The following DPYD variants were observed in gnomAD, a reference collection of about 807,000 sequenced individuals.
DPYD encodes dihydropyrimidine dehydrogenase [NADP(+)].
In DPYD, 109 loss-of-function variants were observed where a neutral mutation model predicts 116.2. The observed-to-expected ratio is 0.94, with a 90% CI of 0.80 to 1.10. DPYD has a LOEUF of 1.10. DPYD is among the 50% of genes least tolerant of loss of function. The probability of loss-of-function intolerance (pLI) is 0.00; values close to 1 mark genes in which losing one functional copy is unlikely to be tolerated. For synonymous variants in DPYD, 440 were observed against 432.0 expected (o/e 1.02, Z -0.23); for missense variants, 1,302 against 1,254.5 (o/e 1.04, Z -0.57).
At chr1:97,083,527 A>G (rs561266080) in intron 21 of DPYD, among the ~76,000 whole-genome samples, 2 of 152,196 alleles carry the variant, frequency 1.3e-5, no homozygotes, top group African/African-American at 4.8e-5. Flanking sequence ...TGTATCTTTC[A>G]AGTGATAAGA....
intron 7 of DPYD, among the ~76,000 whole-genome samples, chr1:97,684,716 T>C (rs1221925516): frequency 6.6e-6 from 1 of 152,006 alleles, no homozygotes; most frequent in East Asian, 1.9e-4. Flanking sequence ...ATTATAAACA[T>C]TTCTATGCAA....
chr1:97,844,828 C>T (rs1670213414), intron 2 of DPYD, among the ~76,000 whole-genome samples: 1 of 152,224 alleles, frequency 6.6e-6, no homozygotes, highest in African/African-American at 2.4e-5. Context: ...ACTGCCCCTG[C>T]AGTCTCAGAA....
rs948721121 is a variant in DPYD, at chr1:97,671,790, A to T, written c.850+7305T>A. 1.1e-4 allele frequency among the ~76,000 whole-genome samples: 16 copies of T among 152,074 alleles called. 1 individual carries two copies. Among genetic ancestry groups the T allele is most frequent in the Non-Finnish European group, 1.5e-5 (1 of 68,010 alleles). On this transcript the variant is annotated intron_variant, in intron 8 of 22. Transcript: ENST00000370192. ...TTTGTGTGGGTGACAGGGGAGGGAT[A>T]TATGCACACAACCAAAAATGACAAA...
At chr1:97,259,994 G>T (rs1178847337) in intron 18 of DPYD, among the ~76,000 whole-genome samples, 1 of 151,406 alleles carries the variant, frequency 6.6e-6, no homozygotes, top group Non-Finnish European at 1.5e-5. Context: ...GTCTTCACAA[G>T]AAAAAAAATT....
intron 20 of DPYD, among the ~76,000 whole-genome samples, chr1:97,102,114 T>C (rs1190224539): frequency 6.6e-6 from 1 of 151,932 alleles, no homozygotes; most frequent in Non-Finnish European, 1.5e-5. Flanking sequence ...CAATCTAAAG[T>C]TAATTGAGCA....
rs1279015731 is a variant in DPYD at position 97,822,234 on chromosome 1, C to CTATA, written c.233+5879_233+5880insTATA. Among the ~76,000 whole-genome samples, 1,461 of 148,424 alleles carry CTATA rather than the reference C, an allele frequency of 9.8e-3. 27 individuals carry two copies. The highest frequency in any genetic ancestry group is 0.034 in the African/African-American group (1,387 of 40,386). On this transcript the variant is annotated intron_variant, in intron 3 of 22. Transcript: ENST00000370192. ...CAAGCAATTTTGTTTCTCTCTCTCT[C>CTATA]TCTATATATATATACACACACACAG...
intron 15 of DPYD, among the ~76,000 whole-genome samples, chr1:97,379,902 T>C (rs1047730523): frequency 6.6e-6 from 1 of 152,192 alleles, no homozygotes; most frequent in Non-Finnish European, 1.5e-5. Flanking sequence ...CTATTCCCTG[T>C]CCCATATGAC....
intron 20 of DPYD, among the ~76,000 whole-genome samples, chr1:97,163,252 C>T (rs964107478): frequency 3.3e-5 from 5 of 152,106 alleles, no homozygotes; most frequent in African/African-American, 1.2e-4. Flanking sequence ...GGCTAATATC[C>T]AGAATCTACA....
At chr1:97,122,563 T>G (rs925830099) in intron 20 of DPYD, among the ~76,000 whole-genome samples, 2 of 152,154 alleles carry the variant, frequency 1.3e-5, no homozygotes, top group Non-Finnish European at 2.9e-5. Flanking sequence ...GTATTCTTAA[T>G]CTGAATGGTT....
At chr1:97,130,670 T>TTTCC (rs971958601) in intron 20 of DPYD, among the ~76,000 whole-genome samples, 1 of 151,782 alleles carries the variant, frequency 6.6e-6, no homozygotes, top group African/African-American at 2.4e-5. Flanking sequence ...CCTTTTCTTT[T>TTTCC]TTCCTTCCTT....
At chr1:97,796,894 A>G (rs1425768900) in intron 3 of DPYD, 2 of 152,148 alleles carry the variant, frequency 1.3e-5, no homozygotes, top group African/African-American at 4.8e-5. Flanking sequence ...ATGCTACCAT[A>G]GAGAAGGAAT....
intron 11 of DPYD, among the ~76,000 whole-genome samples, chr1:97,551,717 C>T (rs914576020): frequency 2.6e-5 from 4 of 151,978 alleles, no homozygotes; most frequent in African/African-American, 9.7e-5. Context: ...CTGAGTCCCA[C>T]AACATAAATT....
intron 18 of DPYD, among the ~76,000 whole-genome samples, chr1:97,289,548 A>G (rs895681841): frequency 2.6e-5 from 4 of 151,600 alleles, no homozygotes; most frequent in African/African-American, 9.7e-5. Flanking sequence ...CAAATCAATA[A>G]ATGTAATCCA....
intron 14 of DPYD, among the ~76,000 whole-genome samples, chr1:97,432,982 A>G (rs1253757996): frequency 6.6e-6 from 1 of 152,122 alleles, no homozygotes; most frequent in Admixed American, 6.6e-5. Flanking sequence ...TTGCTGCTTT[A>G]CAGGCCAGCT....
At chr1:97,552,413 A>C (rs1651392360) in intron 11 of DPYD, among the ~76,000 whole-genome samples, 1 of 151,914 alleles carries the variant, frequency 6.6e-6, no homozygotes, top group Non-Finnish European at 1.5e-5. Context: ...ATAAGTAGTC[A>C]GGAAATGTTA....
intron 18 of DPYD, chr1:97,280,313 T>C (rs1053586231): frequency 6.6e-6 from 1 of 151,976 alleles, no homozygotes. Context: ...GAAGGGAAAC[T>C]GTAAGAAAAA....
intron 19 of DPYD, among the ~76,000 whole-genome samples, chr1:97,213,673 C>G (rs1660190387): frequency 6.6e-6 from 1 of 152,112 alleles, no homozygotes; most frequent in Non-Finnish European, 1.5e-5. Context: ...TAAAATGTAC[C>G]TGTCCATGGG....
At chr1:97,367,989 A>G (rs1671125968) in intron 16 of DPYD, among the ~76,000 whole-genome samples, 1 of 152,182 alleles carries the variant, frequency 6.6e-6, no homozygotes, top group African/African-American at 2.4e-5. Flanking sequence ...TGATTGACTG[A>G]TAATATACAC....
At chr1:97,682,887 G>GT (rs1474270013) in intron 7 of DPYD, among the ~76,000 whole-genome samples, 1 of 152,002 alleles carries the variant, frequency 6.6e-6, no homozygotes, top group African/African-American at 2.4e-5. Flanking sequence ...CAAGTTCAGT[G>GT]TAATAGTCAC....
Sources: allele counts gnomAD v4.1 joint callset (sites outside exome capture counted in the v4.1 genomes callset), GRCh38; gene constraint gnomAD v4.1.1; transcripts MANE v1.5; gene names NCBI Gene and HGNC (gene_info 2026-07-23, HGNC 2026-07-21).